SLC4A9: variants seen among roughly 807,000 people sequenced by gnomAD.
SLC4A9 encodes the protein solute carrier family 4 member 9.
SLC4A9 carries 102 observed loss-of-function variants against 103.2 expected under a neutral mutation model. That is an observed-to-expected ratio of 0.99 (90% CI 0.84 to 1.17). SLC4A9 has a LOEUF of 1.17. Ranked by LOEUF, SLC4A9 falls within the 50% of genes most tolerant of loss-of-function variation. SLC4A9 has a pLI of 0.00. For synonymous variants in SLC4A9, 453 were observed against 483.6 expected (o/e 0.94, Z 0.83); for missense variants, 1,091 against 1,193.7 (o/e 0.91, Z 1.27).
Position 140,372,246 on chromosome 5 carries a change from T to A in SLC4A9, c.2675T>A (p.Leu892Gln), listed in dbSNP as rs1251778161. 1 of 1,554,172 alleles carries A rather than the reference T, an allele frequency of 6.4e-7. No individual in the cohort carries two copies. Among genetic ancestry groups the A allele is most frequent in the East Asian group, 2.3e-5 (1 of 43,286 alleles). The change falls in exon 20 of 22, where the codon CTG becomes CAG. Residue 892 changes from leucine to glutamine, a missense_variant. Coordinates refer to ENST00000506757, the MANE Select transcript of SLC4A9 (RefSeq NM_031467.3). The part of the protein sequence containing the change: ...PAAIIFPLML[L>Q]GLVGVRKALE... Reference sequence around the variant, plus strand: ...GCCATGTTTCTATTCCTGCAGTTGCTGGGCCTTGTGGGGGTCCGAAAGGCC... The same window carrying A: ...GCCATGTTTCTATTCCTGCAGTTGCAGGGCCTTGTGGGGGTCCGAAAGGCC...
intron 17 of SLC4A9, among the ~76,000 whole-genome samples, chr5:140,369,513 G>A (rs1051096380): frequency 2.0e-5 from 3 of 146,424 alleles, no homozygotes; most frequent in Non-Finnish European, 1.5e-5. Flanking sequence ...CAAAAAGGTT[G>A]AACAAGCCAA....
In SLC4A9 at chr5:140,371,444, C is replaced by T; in HGVS notation, c.2497-7C>T. The T allele has an allele frequency of 1.2e-6, 2 of 1,613,924 alleles. No individual in the cohort carries two copies. Among genetic ancestry groups the T allele is most frequent in the African/African-American group, 1.3e-5 (1 of 75,052 alleles). Reference sequence around the variant, plus strand: ...GCCCTGCTTTCCTCTTCCTCTTGTTCCCCTAGTTCACTAATAGGGTGAAGC... The same window carrying T: ...GCCCTGCTTTCCTCTTCCTCTTGTTTCCCTAGTTCACTAATAGGGTGAAGC... On this transcript the variant is annotated splice_polypyrimidine_tract_variant and splice_region_variant and intron_variant, in intron 18 of 21. Transcript: ENST00000506757.
intron 11 of SLC4A9, 105 bp from the exon 12 acceptor site, chr5:140,365,415 A>T: frequency 1.1e-6 from 1 of 939,230 alleles, no homozygotes; most frequent in Non-Finnish European, 1.6e-6. Context: ...ATGAGTCACA[A>T]TTAAGAACTC....
rs1767544336 is a variant in SLC4A9 at position 140,364,172 on chromosome 5, T to C, written c.1373T>C (p.Leu458Pro). The C allele has an allele frequency of 6.4e-7, 1 of 1,570,462 alleles. No homozygotes were observed. ...CCAGTGCTGGTCTTTGAGCGCCTGCTCTTCTCTTTCAGCAGGTAGGAGAGC... is the reference window on the plus strand; with the variant it reads ...CCAGTGCTGGTCTTTGAGCGCCTGCCCTTCTCTTTCAGCAGGTAGGAGAGC... ...TGPVLVFERL[L>P]FSFSRDYSLD... Residue 458 changes from leucine (L) to proline (P), a missense_variant, in exon 10 of 22, where the codon CTC becomes CCC. Transcript: ENST00000506757.
rs1421116116 is a variant in SLC4A9, at chr5:140,360,937, T to C, written c.356T>C (p.Leu119Pro). Residue 119 changes from leucine to proline, a missense_variant, in exon 2 of 22, where the codon CTG becomes CCG. By Grantham distance (98) the Leu-to-Pro change is moderately conservative. Transcript: ENST00000506757. The stretch of plus-strand genomic sequence containing the variant: ...CTGCTGGCCGAGGGCCTTGTACTGC[T>C]GGACTGCCCAGCTCAGAGCCTCCTG... ...RSLLAEGLVL[L>P]DCPAQSLLEL... 5.0e-6 allele frequency: 8 copies of C among 1,597,884 alleles called. No individual in the cohort carries two copies. Among genetic ancestry groups the C allele is most frequent in the Admixed American group, 1.7e-5 (1 of 57,562 alleles).
intron 6 of SLC4A9, 129 bp downstream of exon 6, chr5:140,362,661 C>A: frequency 1.9e-6 from 2 of 1,044,100 alleles, no homozygotes; most frequent in South Asian, 1.4e-5. Context: ...CTAAATACAG[C>A]AATGAGGCAC....
chr5:140,372,292 AC>A lies in SLC4A9; in HGVS notation c.2722del (p.Gln908ArgfsTer9), dbSNP rs1561629052. The stretch of plus-strand genomic sequence containing the variant: ...AGGCCCTGGAGAGGGTCTTCTCACC[AC>A]AGGAACTCCTCTGGCTGGATGAGCT... Reference protein sequence around the residue: ...RKALERVFSPQELLWLDELMP... With the variant: ...RKALERVFSPXELLWLDELMP... On this transcript the variant is annotated frameshift_variant, in exon 20 of 22. Coordinates refer to ENST00000506757, the MANE Select transcript of SLC4A9 (RefSeq NM_031467.3). LOFTEE classifies it high-confidence loss of function. 4 of 1,603,464 alleles carry A rather than the reference AC, an allele frequency of 2.5e-6. No individual in the cohort carries two copies. The highest frequency in any genetic ancestry group is 3.4e-6 in the Non-Finnish European group (4 of 1,177,086).
intron 4 of SLC4A9, 68 bp downstream of exon 4, chr5:140,361,931 ACT>A: frequency 6.2e-7 from 1 of 1,612,562 alleles, no homozygotes; most frequent in Middle Eastern, 1.6e-4. Context: ...ACAAAAGTCT[ACT>A]CTCCACTGGA....
chr5:140,367,617 C>A (rs768023609), intron 15 of SLC4A9, 36 bp downstream of exon 15: 5 of 1,598,474 alleles, frequency 3.1e-6, no homozygotes, highest in South Asian at 2.2e-5. Context: ...GACCAAGGGA[C>A]AGAAGCTCCA....
chr5:140,372,686 T>C (rs1334778607), intron 20 of SLC4A9, 59 bp from the exon 21 acceptor site: 3 of 1,479,254 alleles, frequency 2.0e-6, no homozygotes, highest in Non-Finnish European at 2.7e-6. Flanking sequence ...CTCTATGTTG[T>C]CTTTCACTAT....
At chr5:140,368,762 T>C in intron 17 of SLC4A9, 103 bp downstream of exon 17, 1 of 934,120 alleles carries the variant, frequency 1.1e-6, no homozygotes, top group Non-Finnish European at 1.6e-6. Flanking sequence ...AGGTGCTCTG[T>C]TAAGTTTTCT....
chr5:140,360,742 C>T, intron 1 of SLC4A9, 70 bp from the exon 2 acceptor site: 3 of 1,604,338 alleles, frequency 1.9e-6, no homozygotes, highest in Non-Finnish European at 2.6e-6. Flanking sequence ...TTCCCTAGCT[C>T]CTCTGCATCT....
At chr5:140,364,986 T>C (rs1767668590) in intron 11 of SLC4A9, among the ~76,000 whole-genome samples, 1 of 152,154 alleles carries the variant, frequency 6.6e-6, no homozygotes, top group East Asian at 1.9e-4. Flanking sequence ...ACAGGCAGCT[T>C]ATACTCGAGA....
In SLC4A9 at chr5:140,362,116, G is replaced by T; in HGVS notation, c.661G>T (p.Val221Phe). The change falls in exon 5 of 22, where the codon GTT becomes TTT. Residue 221 changes from valine to phenylalanine, a missense_variant. By Grantham distance (50) the Val-to-Phe change is conservative (BLOSUM62 -1). Transcript: ENST00000506757. ...GFLAQPLGAF[V>F]RLRNPVVLGS... The stretch of plus-strand genomic sequence containing the variant: ...CCTGGCACAGCCACTGGGAGCCTTT[G>T]TTCGACTGCGGAACCCTGTGGTACT... 6.3e-7 allele frequency: 1 copy of T among 1,577,382 alleles called. No homozygotes were observed. The highest frequency in any genetic ancestry group is 8.5e-7 in the Non-Finnish European group (1 of 1,170,130).
chr5:140,366,305 G>C lies in SLC4A9; in HGVS notation c.2013+41G>C, dbSNP rs370163027. The C allele has an allele frequency of 1.4e-5, 20 of 1,380,594 alleles. No individual in the cohort carries two copies. In the East Asian group the frequency reaches 4.0e-4, roughly 27 times the overall value. 85.5% of individuals were successfully genotyped at this position (1,380,594 alleles called of 1,614,324 possible). On this transcript the variant is annotated intron_variant, in intron 14 of 21. Coordinates refer to ENST00000506757, the MANE Select transcript of SLC4A9 (RefSeq NM_031467.3). ...GAGGGTTGGGGGACCAGAGGGGAAAGCAGGGCCAGCAGACCATGGGGAAGG... is the reference window on the plus strand; with the variant it reads ...GAGGGTTGGGGGACCAGAGGGGAAACCAGGGCCAGCAGACCATGGGGAAGG...
In SLC4A9 at chr5:140,360,938, G is replaced by T; in HGVS notation, c.357G>T (p.Leu119=). 6.3e-7 allele frequency: 1 copy of T among 1,596,864 alleles called. No homozygotes were observed. Among genetic ancestry groups the T allele is most frequent in the Non-Finnish European group, 8.5e-7 (1 of 1,172,052 alleles). ...TGCTGGCCGAGGGCCTTGTACTGCT[G>T]GACTGCCCAGCTCAGAGCCTCCTGG... The part of the protein sequence containing the change: ...RSLLAEGLVL[L]DCPAQSLLEL... The change falls in exon 2 of 22, where the codon CTG becomes CTT. Residue 119 remains leucine (L), a synonymous_variant. Coordinates refer to ENST00000506757, the MANE Select transcript of SLC4A9 (RefSeq NM_031467.3).
At chr5:140,369,989 G>C (rs1399372089) in intron 17 of SLC4A9, among the ~76,000 whole-genome samples, 1 of 151,988 alleles carries the variant, frequency 6.6e-6, no homozygotes, top group Non-Finnish European at 1.5e-5. Flanking sequence ...GCAACAGAGT[G>C]AGATCTTGTC....
Position 140,372,414 on chromosome 5 carries a change from G to T in SLC4A9, c.2826+17G>T. 1 of 1,607,036 alleles carries T rather than the reference G, an allele frequency of 6.2e-7. No individual in the cohort carries two copies. The highest frequency in any genetic ancestry group is 8.5e-7 in the Non-Finnish European group (1 of 1,178,326). On this transcript the variant is annotated intron_variant, in intron 20 of 21. Transcript: ENST00000506757. ...AGTGAAGATGTGAGCTCCAGGCTGGGTCCTCTCAGGAGAATGTGTCAGGGT... is the reference window on the plus strand; with the variant it reads ...AGTGAAGATGTGAGCTCCAGGCTGGTTCCTCTCAGGAGAATGTGTCAGGGT...
At chr5:140,368,733 T>G in intron 17 of SLC4A9, 74 bp downstream of exon 17, 1 of 1,300,844 alleles carries the variant, frequency 7.7e-7, no homozygotes, top group Non-Finnish European at 1.1e-6. Flanking sequence ...TGACAGTAGT[T>G]GAATACTTAC....
Sources: gnomAD v4.1 joint callset for allele counts (sites outside exome capture counted in the v4.1 genomes callset) on GRCh38, gnomAD v4.1.1 for gene constraint, MANE v1.5 for transcripts, NCBI Gene and HGNC (gene_info 2026-07-23, HGNC 2026-07-21) for gene names.